Variants in BCL2 observed in about 807,000 individuals in gnomAD.
The protein encoded by BCL2 is BCL2 apoptosis regulator, also known as apoptosis regulator Bcl-2.
In BCL2, 1 loss-of-function variant was observed where a neutral mutation model predicts 14.2. The ratio of observed to expected loss-of-function variants is 0.07; its 90% CI spans 0.02 to 0.33. The LOEUF is 0.33. Ranked by LOEUF, BCL2 falls within the 10% of genes least tolerant of loss-of-function variation. The pLI is 0.99. For missense variants in BCL2, 247 were observed against 305.9 expected (o/e 0.81, Z 1.44); for synonymous variants, 151 against 137.2 (o/e 1.10, Z -0.70).
At chr18:63,274,873 C>A (rs1912111083) in intron 2 of BCL2, among the ~76,000 whole-genome samples, 1 of 151,994 alleles carries the variant, frequency 6.6e-6, no homozygotes, top group South Asian at 2.1e-4. Flanking sequence ...TTTTTAAAAC[C>A]AAAAATTCTG....
At chr18:63,187,619 G>A (rs997085949) in intron 2 of BCL2, among the ~76,000 whole-genome samples, 4 of 152,180 alleles carry the variant, frequency 2.6e-5, no homozygotes, top group Admixed American at 2.0e-4. Context: ...TAAAGACCAT[G>A]CCCCAGTAAA....
chr18:63,210,498 T>G (rs1909968995), intron 2 of BCL2, among the ~76,000 whole-genome samples: 1 of 152,232 alleles, frequency 6.6e-6, no homozygotes, highest in Non-Finnish European at 1.5e-5. Context: ...AAAATTTCCT[T>G]AATTCATAAT....
intron 2 of BCL2, among the ~76,000 whole-genome samples, chr18:63,139,083 T>C (rs1914286972): frequency 1.3e-5 from 2 of 152,154 alleles, no homozygotes; most frequent in African/African-American, 4.8e-5. Flanking sequence ...GAGGATTCCT[T>C]AGTCTAATTA....
At chr18:63,281,681 A>C (rs1477620129) in intron 2 of BCL2, among the ~76,000 whole-genome samples, 6 of 60,828 alleles carry the variant, frequency 9.9e-5, no homozygotes, top group Non-Finnish European at 1.9e-4. Flanking sequence ...AGAAAGAAAG[A>C]AAGAAAGAAA....
chr18:63,314,620 A>G (rs1259785217), intron 2 of BCL2: 1 of 152,204 alleles, frequency 6.6e-6, no homozygotes, highest in South Asian at 2.1e-4. Flanking sequence ...CACAGTTCCC[A>G]GTTTAGAGGG....
At chr18:63,263,998 G>A (rs1911741868) in intron 2 of BCL2, among the ~76,000 whole-genome samples, 1 of 152,174 alleles carries the variant, frequency 6.6e-6, no homozygotes, top group South Asian at 2.1e-4. Context: ...ACGAACGTCT[G>A]ACCTCAGGTG....
chr18:63,257,341 T>C (rs1599273778), intron 2 of BCL2, among the ~76,000 whole-genome samples: 1 of 152,182 alleles, frequency 6.6e-6, no homozygotes. Flanking sequence ...GAATAGACAG[T>C]TTCCCAATTC....
intron 2 of BCL2, among the ~76,000 whole-genome samples, chr18:63,235,852 C>T (rs1236550956): frequency 6.6e-6 from 1 of 151,406 alleles, no homozygotes; most frequent in Non-Finnish European, 1.5e-5. Context: ...TTATCTTTCA[C>T]ATGTGTGTAT....
intron 2 of BCL2, among the ~76,000 whole-genome samples, chr18:63,176,481 G>A (rs1915351615): frequency 6.6e-6 from 1 of 152,260 alleles, no homozygotes; most frequent in Non-Finnish European, 1.5e-5. Flanking sequence ...TTGAATGAGT[G>A]AGTGAACGAG....
Position 63,318,147 on chromosome 18 carries a change from C to T in BCL2, c.520G>A (p.Ala174Thr), listed in dbSNP as rs1178840163. Residue 174 changes from alanine (A) to threonine (T), a missense_variant, in exon 2 of 3, where the codon GCC becomes ACC. Physicochemically the swap from Ala to Thr is moderately conservative, Grantham distance 58. Around this residue, in one of 3 missense-constraint regions of BCL2, gnomAD observed 67 missense variants for 145.7 expected, o/e 0.46. Coordinates refer to ENST00000333681, the MANE Select transcript of BCL2 (RefSeq NM_000633.3). This position sits in a 1 kb window ranked among gnomAD's most constrained non-coding sequence, Gnocchi z 7.4. ...REMSPLVDNIALWMTEYLNRH... is the reference protein window; with the variant it reads ...REMSPLVDNITLWMTEYLNRH... ...TTCAGGTACTCAGTCATCCACAGGG[C>T]GATGTTGTCCACCAGGGGCGACATC... The T allele has an allele frequency of 6.2e-7, 1 of 1,614,132 alleles. No individual in the cohort carries two copies. Among genetic ancestry groups the T allele is most frequent in the Non-Finnish European group, 8.5e-7 (1 of 1,180,022 alleles).
chr18:63,266,657 A>ACACACAC (rs1911840028), intron 2 of BCL2, among the ~76,000 whole-genome samples: 1 of 150,412 alleles, frequency 6.6e-6, no homozygotes, highest in East Asian at 1.9e-4. Flanking sequence ...ACACACACAC[A>ACACACAC]AAAATATATA....
chr18:63,198,286 A>T (rs1195880978), intron 2 of BCL2, among the ~76,000 whole-genome samples: 2 of 150,942 alleles, frequency 1.3e-5, no homozygotes, highest in Non-Finnish European at 1.5e-5. Context: ...AGACACACAT[A>T]GACACAGAGA....
intron 2 of BCL2, among the ~76,000 whole-genome samples, chr18:63,146,678 T>C (rs1473522968): frequency 6.6e-6 from 1 of 152,244 alleles, no homozygotes; most frequent in African/African-American, 2.4e-5. Flanking sequence ...TACAATTTTA[T>C]GTGCTTTTCA....
intron 2 of BCL2, among the ~76,000 whole-genome samples, chr18:63,169,307 TCTTC>T (rs1555697336): frequency 0.1 from 7,353 of 73,466 alleles, 886 homozygotes; most frequent in Middle Eastern, 0.16. Context: ...TTTCTTTCTT[TCTTC>T]CTTCCTTCCT....
chr18:63,184,849 T>G (rs1271255722), intron 2 of BCL2, among the ~76,000 whole-genome samples: 1 of 152,198 alleles, frequency 6.6e-6, no homozygotes, highest in Non-Finnish European at 1.5e-5. Flanking sequence ...CTTCTTGAAT[T>G]TCTACCCTTC....
At chr18:63,251,110 TGAA>T in intron 2 of BCL2, among the ~76,000 whole-genome samples, 1 of 137,642 alleles carries the variant, frequency 7.3e-6, no homozygotes, top group Admixed American at 8.8e-5. Context: ...ATATGAGACT[TGAA>T]GAAGGGTCAC....
chr18:63,195,444 G>A (rs1352731842), intron 2 of BCL2, among the ~76,000 whole-genome samples: 1 of 152,154 alleles, frequency 6.6e-6, no homozygotes, highest in Non-Finnish European at 1.5e-5. Context: ...TTCTTTTAAA[G>A]TACTATGCTC....
intron 2 of BCL2, among the ~76,000 whole-genome samples, chr18:63,280,873 A>T (rs977110113): frequency 6.6e-6 from 1 of 152,212 alleles, no homozygotes; most frequent in Admixed American, 6.5e-5. Context: ...ACTCAAACAG[A>T]TATGTGTACA....
rs1264024160 is a variant in BCL2, at chr18:63,204,271, G to GA, written c.586-75513dup. ...AAATAGTTACATAATGACATCTAAT[G>GA]AATTTCTCATCCTGAAATTGCTTCC... is the stretch of plus-strand genomic sequence containing the variant. On this transcript the variant is annotated intron_variant, in intron 2 of 2. Transcript: ENST00000333681. 2.6e-5 allele frequency among the ~76,000 whole-genome samples: 4 copies of GA among 152,210 alleles called. No homozygotes were observed. The East Asian group carries it at 5.8e-4, about 22-fold the overall frequency.
Sources: allele counts gnomAD v4.1 joint callset (sites outside exome capture counted in the v4.1 genomes callset), GRCh38; gene constraint gnomAD v4.1.1; regional missense constraint gnomAD v4.1.1; non-coding constraint Gnocchi (gnomAD v3.1); transcripts MANE v1.5; gene names NCBI Gene and HGNC (gene_info 2026-07-23, HGNC 2026-07-21).